NEK11: variants seen among roughly 807,000 people sequenced by gnomAD.
NEK11 encodes the protein serine/threonine-protein kinase Nek11.
In NEK11, 72 loss-of-function variants were observed where a neutral mutation model predicts 80.7. The observed-to-expected ratio is 0.89, with a 90% CI of 0.74 to 1.08. The LOEUF (loss-of-function observed/expected upper bound fraction) is 1.08. Ranked by LOEUF, NEK11 falls within the 50% of genes least tolerant of loss-of-function variation. The pLI is 0.00. For missense variants in NEK11, 764 were observed against 763.6 expected, an observed-to-expected ratio of 1.00 and a Z score of -0.01; for synonymous variants, 251 against 260.7, an observed-to-expected ratio of 0.96 and a Z score of 0.36.
chr3:131,331,956 G>A (rs1167679377), intron 17 of NEK11, among the ~76,000 whole-genome samples: 4 of 152,256 alleles, frequency 2.6e-5, no homozygotes, highest in Non-Finnish European at 5.9e-5. Context: ...AAACAAAGCA[G>A]CCGGGAAGCT....
intron 5 of NEK11, among the ~76,000 whole-genome samples, chr3:131,126,146 A>G (rs1284008088): frequency 1.3e-5 from 2 of 152,116 alleles, no homozygotes; most frequent in African/African-American, 4.8e-5. Context: ...CTTCTTTTCT[A>G]TTATTTTTAT....
chr3:131,237,595 G>T (rs144323699), intron 15 of NEK11, among the ~76,000 whole-genome samples: 42 of 152,150 alleles, frequency 2.8e-4, no homozygotes, highest in Non-Finnish European at 4.6e-4. Context: ...TGGGAGTGGG[G>T]TTAGGAGTCT....
At chr3:131,348,943 TTCCTCC>T (rs996702924) in intron 17 of NEK11, among the ~76,000 whole-genome samples, 1 of 151,874 alleles carries the variant, frequency 6.6e-6, no homozygotes, top group East Asian at 1.9e-4. Context: ...CCCCCTCATT[TTCCTCC>T]TCCTCCTCCT....
chr3:131,276,046 G>C (rs897697964), intron 17 of NEK11, among the ~76,000 whole-genome samples: 18 of 152,346 alleles, frequency 1.2e-4, no homozygotes, highest in Non-Finnish European at 2.4e-4. Context: ...CTTCACCTTG[G>C]CCTTCACAGA....
chr3:131,106,878 A>G (rs772435216), intron 4 of NEK11, among the ~76,000 whole-genome samples: 18 of 152,290 alleles, frequency 1.2e-4, no homozygotes, highest in Non-Finnish European at 2.4e-4. Flanking sequence ...CCAGGTGCCA[A>G]GTACAATAAC....
At chr3:131,148,157 GAT>G (rs2088781930) in intron 7 of NEK11, among the ~76,000 whole-genome samples, 1 of 151,556 alleles carries the variant, frequency 6.6e-6, no homozygotes, top group Admixed American at 6.6e-5. Flanking sequence ...TCTATAATGA[GAT>G]ATATTTTGAT....
At position 131,207,706 on chromosome 3, in the gene NEK11, C is replaced by T. The variant is rs1360015178; in HGVS notation, c.1400-20822C>T. Among the ~76,000 whole-genome samples the T allele has an allele frequency of 2.0e-5, 3 of 152,164 alleles. No homozygotes were observed. The East Asian group carries it at 5.8e-4, about 29-fold the overall frequency. Reference sequence around the variant, plus strand: ...CATTGTGGTTTTGATTTGCATTTCTCTGATGGCCAGTGATGATGAGCATTT... The same window carrying T: ...CATTGTGGTTTTGATTTGCATTTCTTTGATGGCCAGTGATGATGAGCATTT... On this transcript the variant is annotated intron_variant, in intron 14 of 17. Coordinates refer to ENST00000383366, the MANE Select transcript of NEK11 (RefSeq NM_024800.5).
chr3:131,088,650 T>C (rs530342304), intron 4 of NEK11, among the ~76,000 whole-genome samples: 1 of 152,274 alleles, frequency 6.6e-6, no homozygotes, highest in African/African-American at 2.4e-5. Flanking sequence ...CACCTAAGAA[T>C]AAGTTCTGCC....
chr3:131,264,773 G>A (rs896337622), intron 16 of NEK11, among the ~76,000 whole-genome samples: 4 of 152,062 alleles, frequency 2.6e-5, no homozygotes, highest in Admixed American at 2.0e-4. Context: ...AGCTTGATGG[G>A]GATGGCATTG....
chr3:131,040,222 A>T (rs1194804267), intron 3 of NEK11, among the ~76,000 whole-genome samples: 1 of 152,158 alleles, frequency 6.6e-6, no homozygotes, highest in African/African-American at 2.4e-5. Flanking sequence ...CTCACGAATG[A>T]ATAATTATGA....
At chr3:131,165,191 T>C (rs2092086127) in intron 11 of NEK11, 1 of 436,042 alleles carries the variant, frequency 2.3e-6, no homozygotes, top group Admixed American at 3.8e-5. Flanking sequence ...CTTCTCCTGC[T>C]GCTGCATTTT....
intron 15 of NEK11, among the ~76,000 whole-genome samples, chr3:131,233,034 A>AAGGT (rs879410651): frequency 0.014 from 1,952 of 140,480 alleles, 43 homozygotes; most frequent in East Asian, 0.067. Context: ...GGAAGGAAGG[A>AAGGT]AGGTTGGATG....
In NEK11 at chr3:131,170,794, G is replaced by A; in HGVS notation, c.1306G>A (p.Glu436Lys). The A allele has an allele frequency of 6.2e-7, 1 of 1,613,932 alleles. No individual in the cohort carries two copies. The highest frequency in any genetic ancestry group is 8.5e-7 in the Non-Finnish European group (1 of 1,179,840). ...CAAGGAATCTGATGAACCAACTTTAGAGAACCTGCCTGAGTCTCAGCCTAT... is the reference window on the plus strand; with the variant it reads ...CAAGGAATCTGATGAACCAACTTTAAAGAACCTGCCTGAGTCTCAGCCTAT... ...REEESDEPTL[E>K]NLPESQPIPS... The change falls in exon 14 of 18, where the codon GAG becomes AAG. Residue 436 changes from glutamate (E) to lysine (K), a missense_variant. Glu to Lys is a moderately conservative substitution (Grantham distance 56). Transcript: ENST00000383366.
chr3:131,121,045 TGGA>T (rs1401886025), intron 5 of NEK11, among the ~76,000 whole-genome samples: 1 of 152,236 alleles, frequency 6.6e-6, no homozygotes, highest in Non-Finnish European at 1.5e-5. Context: ...TGAGTTCCTT[TGGA>T]GGAGAAGAGG....
chr3:131,203,168 T>G (rs944992932), intron 14 of NEK11, among the ~76,000 whole-genome samples: 4 of 152,084 alleles, frequency 2.6e-5, no homozygotes, highest in Admixed American at 2.6e-4. Context: ...AGCAAACACT[T>G]GGAATCAACC....
chr3:131,341,333 A>G (rs2110377164), intron 17 of NEK11, among the ~76,000 whole-genome samples: 1 of 152,340 alleles, frequency 6.6e-6, no homozygotes, highest in Admixed American at 6.5e-5. Flanking sequence ...TCACATGTGT[A>G]AATGTTTAAT....
At chr3:131,162,690 C>A (rs935470135) in intron 11 of NEK11, among the ~76,000 whole-genome samples, 163 bp downstream of exon 11, 4 of 152,142 alleles carry the variant, frequency 2.6e-5, no homozygotes, top group African/African-American at 9.7e-5. Context: ...GATTATTGAG[C>A]CATAGATTGA....
chr3:131,251,917 A>G (rs1477206079), intron 16 of NEK11, among the ~76,000 whole-genome samples: 1 of 152,132 alleles, frequency 6.6e-6, no homozygotes, highest in African/African-American at 2.4e-5. Context: ...GTGGAAACTC[A>G]TAGCAGGACC....
At chr3:131,055,506 T>C (rs1291539181) in intron 3 of NEK11, among the ~76,000 whole-genome samples, 1 of 152,068 alleles carries the variant, frequency 6.6e-6, no homozygotes, top group African/African-American at 2.4e-5. Flanking sequence ...GAGGCTGATA[T>C]GGGAGGATTG....
Sources: gnomAD v4.1 joint callset for allele counts (sites outside exome capture counted in the v4.1 genomes callset) on GRCh38, gnomAD v4.1.1 for gene constraint, MANE v1.5 for transcripts, NCBI Gene and HGNC (gene_info 2026-07-23, HGNC 2026-07-21) for gene names.